HSF2BP: variants seen among roughly 807,000 people sequenced by gnomAD.
HSF2BP encodes the protein heat shock factor 2-binding protein.
A neutral mutation model predicts 35.0 loss-of-function variants in HSF2BP; 35 were observed. The ratio of observed to expected loss-of-function variants is 1.00; its 90% CI spans 0.76 to 1.32. HSF2BP has a LOEUF of 1.32. Among genes scored for constraint, HSF2BP ranks in the 40% most tolerant of loss-of-function variants. The pLI, the probability that HSF2BP is intolerant of heterozygous loss-of-function variation, is 0.00. For missense variants in HSF2BP, 326 were observed against 321.7 expected, an observed-to-expected ratio of 1.01 and a Z score of -0.10; for synonymous variants, 114 against 117.4, an observed-to-expected ratio of 0.97 and a Z score of 0.18.
At chr21:43,581,853 G>GGCCTGCTGAGGGAGATGAGA (rs2081739532) in intron 8 of HSF2BP, among the ~76,000 whole-genome samples, 2 of 150,046 alleles carry the variant, frequency 1.3e-5, no homozygotes, top group South Asian at 4.2e-4. Flanking sequence ...GGGAGATGAG[G>GGCCTGCTGAGGGAGATGAGA]GCCTGCTGAG....
At chr21:43,605,619 CCA>C (rs2082125591) in intron 7 of HSF2BP, among the ~76,000 whole-genome samples, 1 of 148,748 alleles carries the variant, frequency 6.7e-6, no homozygotes, top group Non-Finnish European at 1.5e-5. Flanking sequence ...CCTCACATAG[CCA>C]CACACACCAT....
chr21:43,607,367 A>C (rs567864406), intron 7 of HSF2BP, among the ~76,000 whole-genome samples: 212 of 152,220 alleles, frequency 1.4e-3, no homozygotes, highest in Non-Finnish European at 2.6e-3. Flanking sequence ...CACACACACA[A>C]AAACCTAGGA....
chr21:43,584,994 A>ATTT lies in HSF2BP; in HGVS notation c.796+7230_796+7231insAAA, dbSNP rs1397543078. ...TCATGCTCTAGGTATAATTTTATTT[A>ATTT]ATTATTTATTTATTTATTTATTTAT... is the stretch of plus-strand genomic sequence containing the variant. On this transcript the variant is annotated intron_variant, in intron 8 of 8. Transcript: ENST00000291560. Among the ~76,000 whole-genome samples, 1,338 of 152,012 alleles carry ATTT rather than the reference A, an allele frequency of 8.8e-3. 17 individuals carry two copies. The highest frequency in any genetic ancestry group is 0.029 in the African/African-American group (1,206 of 41,396).
intron 3 of HSF2BP, among the ~76,000 whole-genome samples, chr21:43,656,091 AT>A (rs1441026988): frequency 2.6e-5 from 4 of 152,228 alleles, no homozygotes; most frequent in African/African-American, 9.6e-5. Context: ...CTAAACTGGT[AT>A]TCAACATAAC....
intron 6 of HSF2BP, among the ~76,000 whole-genome samples, chr21:43,623,235 G>A (rs1340650436): frequency 6.6e-6 from 1 of 152,004 alleles, no homozygotes; most frequent in Non-Finnish European, 1.5e-5. Flanking sequence ...AAAAAATTGG[G>A]AAGAAATTTA....
In HSF2BP at chr21:43,635,746, G is replaced by A. The variant is rs565381593; in HGVS notation, c.292-2325C>T. Among the ~76,000 whole-genome samples the A allele has an allele frequency of 2.4e-4, 37 of 152,028 alleles. No homozygotes were observed. In the South Asian group the frequency reaches 6.4e-3, roughly 26 times the overall value. On this transcript the variant is annotated intron_variant, in intron 4 of 8. Transcript: ENST00000291560. ...AGCCTGACCAACATGGTAAAACCCC[G>A]TCTCTACTAAAAATACAAAAGTTAG...
the HSF2BP span, among the ~76,000 whole-genome samples, chr21:43,467,528 C>G: frequency 1.4e-5 from 2 of 138,570 alleles, no homozygotes; most frequent in Non-Finnish European, 3.1e-5. Context: ...TGCCCTCTTC[C>G]TTCTCAAAAC....
At chr21:43,634,962 C>T (rs1173187283) in intron 4 of HSF2BP, among the ~76,000 whole-genome samples, 9 of 152,044 alleles carry the variant, frequency 5.9e-5, no homozygotes, top group East Asian at 1.9e-4. Flanking sequence ...TTCTTCTGCA[C>T]GACCACAAAA....
intron 8 of HSF2BP, among the ~76,000 whole-genome samples, chr21:43,582,113 A>G (rs2005296): frequency 0.2 from 2,912 of 14,322 alleles, no homozygotes; most frequent in East Asian, 0.28. Flanking sequence ...TGCTGTGGGG[A>G]ATGAGGCCCT....
chr21:43,630,549 TGTAG>T, intron 5 of HSF2BP, 95 bp from the exon 6 acceptor site: 1 of 1,351,934 alleles, frequency 7.4e-7, no homozygotes, highest in East Asian at 2.5e-5. Context: ...TAGTTTTAAT[TGTAG>T]AATATTGTAA....
intron 8 of HSF2BP, among the ~76,000 whole-genome samples, chr21:43,574,062 T>C (rs969944255): frequency 3.9e-5 from 6 of 152,104 alleles, no homozygotes; most frequent in African/African-American, 1.2e-4. Context: ...CAGCCTTTCA[T>C]GACCAAGACC....
chr21:43,649,542 A>T (rs1313102301), intron 3 of HSF2BP, among the ~76,000 whole-genome samples: 1 of 152,190 alleles, frequency 6.6e-6, no homozygotes, highest in African/African-American at 2.4e-5. Context: ...AGGCTGGTTC[A>T]CATTAACATC....
chr21:43,585,881 T>G (rs2146748963), intron 8 of HSF2BP, among the ~76,000 whole-genome samples: 1 of 152,324 alleles, frequency 6.6e-6, no homozygotes, highest in African/African-American at 2.4e-5. Flanking sequence ...GGGTTTAGTC[T>G]GAACACATTG....
intron 7 of HSF2BP, among the ~76,000 whole-genome samples, chr21:43,599,104 T>C (rs2082021462): frequency 6.6e-6 from 1 of 152,254 alleles, no homozygotes; most frequent in Non-Finnish European, 1.5e-5. Context: ...GGAAACCTTC[T>C]GAAAAGATGG....
At chr21:43,587,193 A>G (rs1347980785) in intron 8 of HSF2BP, among the ~76,000 whole-genome samples, 1 of 152,222 alleles carries the variant, frequency 6.6e-6, no homozygotes, top group East Asian at 1.9e-4. Context: ...TAAGATTTAA[A>G]GTAATCCCAT....
At chr21:43,572,692 G>A (rs1008888603) in intron 8 of HSF2BP, among the ~76,000 whole-genome samples, 1 of 152,222 alleles carries the variant, frequency 6.6e-6, no homozygotes, top group African/African-American at 2.4e-5. Flanking sequence ...ACTAACCAAT[G>A]ATGTCTGGCA....
chr21:43,591,707 A>C (rs1331554296), intron 8 of HSF2BP, among the ~76,000 whole-genome samples: 2 of 152,240 alleles, frequency 1.3e-5, no homozygotes, highest in African/African-American at 4.8e-5. Context: ...CCAGTCAACC[A>C]TGGTCTGGAA....
intron 8 of HSF2BP, among the ~76,000 whole-genome samples, chr21:43,576,764 CTT>C (rs2081649530): frequency 6.6e-6 from 1 of 152,182 alleles, no homozygotes; most frequent in Non-Finnish European, 1.5e-5. Flanking sequence ...TTTTTAAAAA[CTT>C]TCACTGAACA....
chr21:43,616,775 C>T (rs1310637389), intron 6 of HSF2BP, among the ~76,000 whole-genome samples: 4 of 151,900 alleles, frequency 2.6e-5, no homozygotes, highest in African/African-American at 9.7e-5. Flanking sequence ...ACTAAAAATA[C>T]AAAAAATTAG....
Sources: gnomAD v4.1 joint callset for allele counts (sites outside exome capture counted in the v4.1 genomes callset) on GRCh38, gnomAD v4.1.1 for gene constraint, MANE v1.5 for transcripts, NCBI Gene and HGNC (gene_info 2026-07-23, HGNC 2026-07-21) for gene names.